Variants in ANGPTL3 observed in about 807,000 individuals in gnomAD.
ANGPTL3 encodes angiopoietin-related protein 3.
ANGPTL3 carries 51 observed loss-of-function variants against 52.7 expected under a neutral mutation model. The ratio of observed to expected loss-of-function variants is 0.97; its 90% CI spans 0.77 to 1.22. The LOEUF is 1.22. Among genes scored for constraint, ANGPTL3 ranks in the 50% most tolerant of loss-of-function variants. The pLI, the probability that ANGPTL3 is intolerant of heterozygous loss-of-function variation, is 0.00. For synonymous variants in ANGPTL3, 185 were observed against 179.8 expected (o/e 1.03, Z -0.23); for missense variants, 506 against 520.7 (o/e 0.97, Z 0.27).
At chr1:62,602,255 A>G in intron 4 of ANGPTL3, 30 bp from the exon 5 acceptor site, 1 of 1,543,966 alleles carries the variant, frequency 6.5e-7, no homozygotes, top group South Asian at 1.1e-5. Flanking sequence ...AAATCTACTA[A>G]AAATACATGA....
chr1:62,602,232 C>A, intron 4 of ANGPTL3, 53 bp from the exon 5 acceptor site: 1 of 1,386,550 alleles, frequency 7.2e-7, no homozygotes, highest in Admixed American at 1.7e-5. Context: ...GTGTTATTTA[C>A]ATCTGTCAAC....
intron 2 of ANGPTL3, among the ~76,000 whole-genome samples, chr1:62,600,273 T>C (rs946891580): frequency 6.6e-6 from 1 of 151,748 alleles, no homozygotes; most frequent in South Asian, 2.1e-4. Context: ...CATTTAACTT[T>C]CTCATATTTA....
chr1:62,605,534 T>C lies in ANGPTL3; in HGVS notation c.*717T>C, dbSNP rs534309124. ...TTGTTAAAATATATACTGTATACATTTTATATATTTTAACACTTAATACTA... is the reference window on the plus strand; with the variant it reads ...TTGTTAAAATATATACTGTATACATCTTATATATTTTAACACTTAATACTA... On this transcript the variant is annotated 3_prime_UTR_variant, in exon 7 of 7. Coordinates refer to ENST00000371129, the MANE Select transcript of ANGPTL3 (RefSeq NM_014495.4). The C allele has an allele frequency of 6.6e-6, 1 of 152,558 alleles. No homozygotes were observed. The highest frequency in any genetic ancestry group is 1.9e-4 in the East Asian group (1 of 5,192). 9.5% of individuals were successfully genotyped at this position (152,558 alleles called of 1,614,324 possible).
At position 62,605,298 on chromosome 1, in the gene ANGPTL3, A is replaced by G. The variant is rs548422202; in HGVS notation, c.*481A>G. ...TTTCAAAACTAAAAATCGTCAGCAC[A>G]GAGTATGTGTAAAAATCTGTAATAC... On this transcript the variant is annotated 3_prime_UTR_variant, in exon 7 of 7. Transcript: ENST00000371129. 1.3e-5 allele frequency: 2 copies of G among 153,882 alleles called. No homozygotes were observed. Among genetic ancestry groups the G allele is most frequent in the Non-Finnish European group, 2.9e-5 (2 of 69,024 alleles). The allele number at this position is 153,882 out of a possible 1,614,324, so 9.5% of individuals were successfully genotyped here.
Position 62,597,759 on chromosome 1 carries a change from A to T in ANGPTL3, c.193A>T (p.Lys65Ter). 1 of 1,613,616 alleles carries T rather than the reference A, an allele frequency of 6.2e-7. No individual in the cohort carries two copies. Among genetic ancestry groups the T allele is most frequent in the Non-Finnish European group, 8.5e-7 (1 of 1,179,714 alleles). The change falls in exon 1 of 7, where the codon AAG becomes TAG. Residue 65 changes from lysine to a stop codon, truncating the protein, a stop_gained. Coordinates refer to ENST00000371129, the MANE Select transcript of ANGPTL3 (RefSeq NM_014495.4). LOFTEE classifies it high-confidence loss of function. ...TCTTAAAGACTTTGTCCATAAGACGAAGGGCCAAATTAATGACATATTTCA... is the reference window on the plus strand; with the variant it reads ...TCTTAAAGACTTTGTCCATAAGACGTAGGGCCAAATTAATGACATATTTCA... ...HGLKDFVHKTKGQINDIFQKL... is the reference protein window; with the variant it reads ...HGLKDFVHKT
intron 2 of ANGPTL3, among the ~76,000 whole-genome samples, chr1:62,599,677 G>A (rs935616955): frequency 6.6e-6 from 1 of 151,910 alleles, no homozygotes; most frequent in African/African-American, 2.4e-5. Context: ...AGGCATTTCT[G>A]TTGAATTAAT....
At chr1:62,600,970 T>C (rs923048608) in intron 2 of ANGPTL3, 112 bp from the exon 3 acceptor site, 16 of 710,628 alleles carry the variant, frequency 2.3e-5, no homozygotes, top group African/African-American at 1.6e-4. Context: ...TCAAACACCG[T>C]TATAACATTA....
At position 62,604,031 on chromosome 1, in the gene ANGPTL3, C is replaced by T. The variant is rs1650556634; in HGVS notation, c.994C>T (p.Arg332Ter). The T allele has an allele frequency of 4.3e-6, 7 of 1,612,654 alleles. No homozygotes were observed. Among genetic ancestry groups the T allele is most frequent in the African/African-American group, 1.3e-5 (1 of 74,756 alleles). ...SIVKQSNYVL[R>*]IELEDWKDNK... The stretch of plus-strand genomic sequence containing the variant: ...AGTGAAGCAATCTAATTATGTTTTA[C>T]GAATTGAGTTGGAAGACTGGAAAGA... Residue 332 changes from arginine (R) to a stop codon, truncating the protein, a stop_gained, in exon 6 of 7, where the codon CGA (arginine) becomes TGA (stop). Coordinates refer to ENST00000371129, the MANE Select transcript of ANGPTL3 (RefSeq NM_014495.4). LOFTEE classifies it high-confidence loss of function.
chr1:62,600,293 A>G (rs2149531749), intron 2 of ANGPTL3, among the ~76,000 whole-genome samples: 1 of 151,972 alleles, frequency 6.6e-6, no homozygotes, highest in East Asian at 1.9e-4. Flanking sequence ...AAATTAAAAA[A>G]ACAAAACTCT....
In ANGPTL3 at chr1:62,598,000, T is replaced by C; in HGVS notation, c.434T>C (p.Leu145Pro). 6.4e-7 allele frequency: 1 copy of C among 1,568,434 alleles called. No homozygotes were observed. Among genetic ancestry groups the C allele is most frequent in the East Asian group, 2.3e-5 (1 of 44,418 alleles). The change falls in exon 1 of 7, where the codon CTA becomes CCA. Residue 145 changes from leucine to proline, a missense_variant. By Grantham distance (98) the Leu-to-Pro change is moderately conservative. Transcript: ENST00000371129. ...QQKVKYLEEQ[L>P]TNLIQNQPET... is the part of the protein sequence containing the mutation. ...AAAGTGAAATATTTAGAAGAGCAAC[T>C]AACTAACTTAATTCAAAATCAACCT...
intron 2 of ANGPTL3, among the ~76,000 whole-genome samples, chr1:62,599,463 C>T (rs1206579198): frequency 2.0e-5 from 3 of 151,972 alleles, no homozygotes; most frequent in Non-Finnish European, 4.4e-5. Context: ...CCGCCTGGTC[C>T]CATCCCTGAA....
In ANGPTL3 at chr1:62,604,913, TGAGA is replaced by T; in HGVS notation, c.*97_*100del. The T allele has an allele frequency of 2.3e-6, 3 of 1,323,862 alleles. No individual in the cohort carries two copies. The highest frequency in any genetic ancestry group is 3.2e-6 in the Non-Finnish European group (3 of 934,156). The allele number at this position is 1,323,862 out of a possible 1,614,324, so 82.0% of individuals were successfully genotyped here. A position where few individuals can be genotyped will look rare whatever the true frequency, so the allele number is the denominator to read the frequency against. On this transcript the variant is annotated 3_prime_UTR_variant, in exon 7 of 7. Transcript: ENST00000371129. ...GGTATTAAATCCTTAAGAGAAAGCT[TGAGA>T]AATAGATTTTTTTTATCTTAAAGTC...
chr1:62,598,349 A>G (rs1449157628), intron 1 of ANGPTL3, among the ~76,000 whole-genome samples: 1 of 152,060 alleles, frequency 6.6e-6, no homozygotes, highest in Admixed American at 6.6e-5. Flanking sequence ...ATTGTAAATT[A>G]CTGAAGGTAA....
chr1:62,604,604 C>T (rs764079640), intron 6 of ANGPTL3, 29 bp from the exon 7 acceptor site: 2 of 1,600,834 alleles, frequency 1.2e-6, no homozygotes, highest in Non-Finnish European at 8.6e-7. Flanking sequence ...GAGTCTGTAC[C>T]CATTAAATTG....
chr1:62,605,497 A>G lies in ANGPTL3; in HGVS notation c.*680A>G, dbSNP rs1650855008. On this transcript the variant is annotated 3_prime_UTR_variant, in exon 7 of 7. Transcript: ENST00000371129. ...CACATTGACTTTAACATGAGGTATC[A>G]CTATACCTTATTTGTTAAAATATAT... 1 of 152,618 alleles carries G rather than the reference A, an allele frequency of 6.6e-6. No homozygotes were observed. Among genetic ancestry groups the G allele is most frequent in the Non-Finnish European group, 1.5e-5 (1 of 68,016 alleles). The allele number at this position is 152,618 out of a possible 1,614,324, so 9.5% of individuals were successfully genotyped here.
rs528086559 is a variant in ANGPTL3, at chr1:62,605,476, T to A, written c.*659T>A. ...AAATGGAGATGACTACTAAGTCACA[T>A]TGACTTTAACATGAGGTATCACTAT... On this transcript the variant is annotated 3_prime_UTR_variant, in exon 7 of 7. Transcript: ENST00000371129. 6.5e-6 allele frequency: 1 copy of A among 152,720 alleles called. No homozygotes were observed. The highest frequency in any genetic ancestry group is 2.4e-5 in the African/African-American group (1 of 41,454). The allele number at this position is 152,720 out of a possible 1,614,324, so 9.5% of individuals were successfully genotyped here. A position where few individuals can be genotyped will look rare whatever the true frequency, so the allele number is the denominator to read the frequency against.
chr1:62,601,065 T>G lies in ANGPTL3; in HGVS notation c.607-17T>G. On this transcript the variant is annotated splice_polypyrimidine_tract_variant and intron_variant, in intron 2 of 6. Coordinates refer to ENST00000371129, the MANE Select transcript of ANGPTL3 (RefSeq NM_014495.4). The stretch of plus-strand genomic sequence containing the variant: ...TTCAGTATCATTTTAAAAAACAGAT[T>G]TATATTCTTTTATCAGCTCAGAAGG... The G allele has an allele frequency of 7.0e-7, 1 of 1,430,836 alleles. No homozygotes were observed. Among genetic ancestry groups the G allele is most frequent in the Non-Finnish European group, 9.9e-7 (1 of 1,014,086 alleles). The allele number at this position is 1,430,836 out of a possible 1,614,324, so 88.6% of individuals were successfully genotyped here.
chr1:62,598,369 TA>T (rs1360482395), intron 1 of ANGPTL3, among the ~76,000 whole-genome samples: 1 of 151,804 alleles, frequency 6.6e-6, no homozygotes, highest in Admixed American at 6.6e-5. Context: ...AGTAAAAAGT[TA>T]AAAAAAATTT....
At chr1:62,602,019 T>C (rs544824600) in intron 4 of ANGPTL3, 137 bp downstream of exon 4, 232 of 614,956 alleles carry the variant, frequency 3.8e-4, no homozygotes, top group African/African-American at 3.7e-3. Flanking sequence ...TATAATACTT[T>C]TACCTTGTTT....
Sources: gnomAD v4.1 joint callset for allele counts (sites outside exome capture counted in the v4.1 genomes callset) on GRCh38, gnomAD v4.1.1 for gene constraint, MANE v1.5 for transcripts, NCBI Gene and HGNC (gene_info 2026-07-23, HGNC 2026-07-21) for gene names.